The following IGFL2 variants were observed in gnomAD, a reference collection of about 807,000 sequenced individuals.
IGFL2 encodes the protein insulin growth factor-like family member 2.
IGFL2 carries 7 observed loss-of-function variants against 13.9 expected under a neutral mutation model. The observed-to-expected ratio is 0.51, with a 90% CI of 0.29 to 0.95. IGFL2 has a LOEUF of 0.95. Among genes scored for constraint, IGFL2 ranks in the 40% least tolerant of loss-of-function variants. The probability of loss-of-function intolerance (pLI) is 0.08; values close to 1 mark genes in which losing one functional copy is unlikely to be tolerated. For synonymous variants in IGFL2, 55 were observed against 55.8 expected, an observed-to-expected ratio of 0.99 and a Z score of 0.07; for missense variants, 138 against 147.8, an observed-to-expected ratio of 0.93 and a Z score of 0.34.
At chr19:46,124,210 C>A in the IGFL2 span, 1 of 1,609,296 alleles carries the variant, frequency 6.2e-7, no homozygotes. Context: ...ACTCAATTCC[C>A]AGTCTCTTTT....
chr19:46,161,542 GTCT>G (rs1024858982), downstream of IGFL2, among the ~76,000 whole-genome samples: 1 of 152,030 alleles, frequency 6.6e-6, no homozygotes, highest in Non-Finnish European at 1.5e-5. Flanking sequence ...GGATAATTAG[GTCT>G]TCTTGTTGAA....
chr19:46,125,579 C>T, the IGFL2 span, among the ~76,000 whole-genome samples: 2 of 152,222 alleles, frequency 1.3e-5, no homozygotes, highest in Non-Finnish European at 2.9e-5. Context: ...CCAGACTTTC[C>T]ATCCTCCACT....
At chr19:46,109,650 C>T in the IGFL2 span, among the ~76,000 whole-genome samples, 2,022 of 152,076 alleles carry the variant, frequency 0.013, 31 homozygotes, top group Middle Eastern at 0.027. Context: ...GAGAATATTA[C>T]AAAGTACCTT....
downstream of IGFL2, chr19:46,163,789 CTT>C (rs1015399634): frequency 4.6e-5 from 7 of 152,420 alleles, no homozygotes; most frequent in Admixed American, 4.6e-4. Context: ...AGTCTGTCCT[CTT>C]TTCTGTAGGG....
chr19:46,089,715 C>T, the IGFL2 span, among the ~76,000 whole-genome samples: 1 of 151,650 alleles, frequency 6.6e-6, no homozygotes, highest in African/African-American at 2.4e-5. Flanking sequence ...GAGAAGTCTG[C>T]TGGTGAGCAT....
the IGFL2 span, among the ~76,000 whole-genome samples, chr19:46,105,137 A>G: frequency 0.02 from 3,078 of 152,282 alleles, 108 homozygotes; most frequent in African/African-American, 0.069. Context: ...AGCGGCCTTG[A>G]GAAGAGTTTT....
At chr19:46,159,312 A>G (rs904407788) in intron 1 of IGFL2, 2 of 152,190 alleles carry the variant, frequency 1.3e-5, no homozygotes, top group Non-Finnish European at 2.9e-5. Flanking sequence ...TAGAAGGGGG[A>G]TTAAAATAGA....
the IGFL2 span, among the ~76,000 whole-genome samples, chr19:46,188,545 T>A: frequency 6.6e-6 from 1 of 152,202 alleles, no homozygotes; most frequent in Non-Finnish European, 1.5e-5. Flanking sequence ...GCTCAGTGTG[T>A]TCCTCTCTCT....
At chr19:46,184,355 G>T in the IGFL2 span, among the ~76,000 whole-genome samples, 3 of 151,862 alleles carry the variant, frequency 2.0e-5, no homozygotes, top group African/African-American at 7.3e-5. Flanking sequence ...GTGCCATGGT[G>T]GTTTCCTGCA....
the IGFL2 span, chr19:46,206,997 A>G: frequency 6.6e-6 from 1 of 152,228 alleles, no homozygotes; most frequent in South Asian, 2.1e-4. Context: ...TCCCAGCAGA[A>G]GGACACACGG....
the IGFL2 span, among the ~76,000 whole-genome samples, chr19:46,199,669 C>T: frequency 3.3e-5 from 5 of 152,314 alleles, no homozygotes; most frequent in South Asian, 8.3e-4. Context: ...CCTCTCTCCT[C>T]GGGACACAAT....
upstream of IGFL2, among the ~76,000 whole-genome samples, chr19:46,139,768 C>T (rs538035829): frequency 6.6e-6 from 1 of 152,002 alleles, no homozygotes; most frequent in African/African-American, 2.4e-5. Flanking sequence ...AACAAAAAAT[C>T]AGAATGGGCT....
intron 1 of IGFL2, among the ~76,000 whole-genome samples, chr19:46,157,564 T>C (rs1469287926): frequency 1.3e-5 from 2 of 152,190 alleles, no homozygotes; most frequent in African/African-American, 4.8e-5. Context: ...AAAAAGCATC[T>C]GATAAAATTT....
the IGFL2 span, among the ~76,000 whole-genome samples, chr19:46,179,695 G>A: frequency 2.6e-5 from 4 of 152,096 alleles, no homozygotes; most frequent in South Asian, 2.1e-4. Flanking sequence ...GGGAGGCCAC[G>A]AGGGGAGGTC....
the IGFL2 span, among the ~76,000 whole-genome samples, chr19:46,102,003 C>T: frequency 6.6e-6 from 1 of 152,208 alleles, no homozygotes; most frequent in Admixed American, 6.5e-5. Context: ...TAGCCTGGAC[C>T]CAGGTGAGGA....
chr19:46,148,772 G>C (rs1473132108), intron 1 of IGFL2: 2 of 1,162,636 alleles, frequency 1.7e-6, no homozygotes, highest in African/African-American at 3.1e-5. Flanking sequence ...CTGTGGATAG[G>C]GTTGGGGGCT....
At chr19:46,132,202 G>C in the IGFL2 span, among the ~76,000 whole-genome samples, 1 of 152,024 alleles carries the variant, frequency 6.6e-6, no homozygotes, top group Non-Finnish European at 1.5e-5. Context: ...GGCATGCTAC[G>C]GTTTTGGGTT....
At chr19:46,146,323 C>G (rs1280413246), upstream of IGFL2, among the ~76,000 whole-genome samples, 1 of 152,146 alleles carries the variant, frequency 6.6e-6, no homozygotes, top group Non-Finnish European at 1.5e-5. Flanking sequence ...CTATCCATGT[C>G]TATCCATTTG....
At chr19:46,191,538 T>C in the IGFL2 span, among the ~76,000 whole-genome samples, 1 of 152,156 alleles carries the variant, frequency 6.6e-6, no homozygotes. Context: ...AGCTCTGAGC[T>C]CTGAGGTGTG....
Sources: allele counts gnomAD v4.1 joint callset (sites outside exome capture counted in the v4.1 genomes callset), GRCh38; gene constraint gnomAD v4.1.1; transcripts MANE v1.5; gene names NCBI Gene and HGNC (gene_info 2026-07-23, HGNC 2026-07-21).